The following RNF130 variants were observed in gnomAD, a reference collection of about 807,000 sequenced individuals.
The protein encoded by RNF130 is E3 ubiquitin-protein ligase RNF130.
A neutral mutation model predicts 44.6 loss-of-function variants in RNF130; 21 were observed. The observed-to-expected ratio is 0.47, with a 90% CI of 0.33 to 0.68. The LOEUF is 0.68. Among genes scored for constraint, RNF130 ranks in the 30% least tolerant of loss-of-function variants. RNF130 has a pLI of 0.02. For missense variants in RNF130, 479 were observed against 560.6 expected (o/e 0.85, Z 1.47); for synonymous variants, 214 against 210.4 (o/e 1.02, Z -0.15).
chr5:180,007,994 T>TTG, intron 3 of RNF130, among the ~76,000 whole-genome samples: 1 of 150,672 alleles, frequency 6.6e-6, no homozygotes, highest in Admixed American at 6.6e-5. Context: ...TTTAGTTTTT[T>TTG]TTTTTTTTTT....
rs1764573192 is a variant in RNF130 at position 180,046,608 on chromosome 5, CA to C, written c.248-5962del. ...GTGATGGTCAAAACAGGCGGCCGCA[CA>C]GCACAGTGGCAAAGATGTGCCTCTC... On this transcript the variant is annotated intron_variant, in intron 1 of 8. Transcript: ENST00000521389. Among the ~76,000 whole-genome samples the C allele has an allele frequency of 2.6e-5, 4 of 152,164 alleles. No homozygotes were observed. The South Asian group carries it at 8.3e-4, about 31-fold the overall frequency.
Position 179,944,576 on chromosome 5 carries a change from T to C in RNF130, c.1150+22230A>G, listed in dbSNP as rs199939686. On this transcript the variant is annotated intron_variant, in intron 7 of 7. Transcript: ENST00000522208. The stretch of plus-strand genomic sequence containing the variant: ...CCTTCCGGGTTCAAGCAATTTCTCC[T>C]GCCTCAGCCTCCTTGCAAGCCACCA... 5.9e-5 allele frequency among the ~76,000 whole-genome samples: 9 copies of C among 152,256 alleles called. No homozygotes were observed. In the East Asian group the frequency reaches 1.7e-3, roughly 29 times the overall value.
In RNF130 at chr5:179,970,027, A is replaced by G. The variant is rs181187674; in HGVS notation, c.945+383T>C. On this transcript the variant is annotated intron_variant, in intron 6 of 8. Transcript: ENST00000521389. ...AAAAGTTAGCCAGGCATGGCGGTGT[A>G]TGCCTGTAGTCCCAGCTACTCAGAA... Among the ~76,000 whole-genome samples, 674 of 152,146 alleles carry G rather than the reference A, an allele frequency of 4.4e-3. 4 individuals are homozygous for G. Among genetic ancestry groups the G allele is most frequent in the Non-Finnish European group, 4.8e-3 (323 of 67,976 alleles).
chr5:179,983,209 A>G (rs531108394), intron 3 of RNF130, among the ~76,000 whole-genome samples: 1 of 152,290 alleles, frequency 6.6e-6, no homozygotes, highest in South Asian at 2.1e-4. Flanking sequence ...TATCATATTA[A>G]GGAAGCTTTG....
At position 179,963,279 on chromosome 5, in the gene RNF130, A is replaced by G. The variant is rs376805328; in HGVS notation, c.1244+192T>C. 1.2e-4 allele frequency among the ~76,000 whole-genome samples: 19 copies of G among 152,368 alleles called. No individual in the cohort carries two copies. In the East Asian group the frequency reaches 3.5e-3, roughly 28 times the overall value. ...TCAAACGGGCTGCTCTTGTTGAATA[A>G]GGTGAATTCCCAATCTGTGTTACTG... is the stretch of plus-strand genomic sequence containing the variant. On this transcript the variant is annotated intron_variant, in intron 8 of 8. Transcript: ENST00000521389.
intron 6 of RNF130, 28 bp downstream of exon 6, chr5:179,970,382 G>A (rs774268510): frequency 6.6e-7 from 1 of 1,517,868 alleles, no homozygotes; most frequent in Non-Finnish European, 9.1e-7. Flanking sequence ...ATATACAAAA[G>A]TGGTAACAAA....
intron 6 of RNF130, among the ~76,000 whole-genome samples, chr5:179,969,070 A>G (rs747062004): frequency 2.6e-5 from 4 of 152,220 alleles, no homozygotes; most frequent in Admixed American, 1.3e-4. Context: ...TGCAAGCTAA[A>G]ATGAGTTCAT....
chr5:179,939,391 T>G (rs1761942223), intron 7 of RNF130: 2 of 171,268 alleles, frequency 1.2e-5, no homozygotes, highest in Non-Finnish European at 2.5e-5. Flanking sequence ...AATAGTTGAG[T>G]TCATTTGAAA....
At chr5:179,985,980 T>G (rs1221830935) in intron 3 of RNF130, among the ~76,000 whole-genome samples, 1 of 152,240 alleles carries the variant, frequency 6.6e-6, no homozygotes, top group Admixed American at 6.5e-5. Flanking sequence ...TATCTTGTCA[T>G]TTTTAAAGCC....
At chr5:180,007,990 T>TG (rs1451365927) in intron 3 of RNF130, among the ~76,000 whole-genome samples, 2 of 144,400 alleles carry the variant, frequency 1.4e-5, no homozygotes, top group Non-Finnish European at 3.0e-5. Flanking sequence ...ATCTTTTAGT[T>TG]TTTTTTTTTT....
chr5:180,063,378 T>G (rs963162923), intron 1 of RNF130, among the ~76,000 whole-genome samples: 4 of 152,170 alleles, frequency 2.6e-5, no homozygotes, highest in African/African-American at 7.2e-5. Flanking sequence ...GAAGCAAGGA[T>G]GGTCCTAATT....
chr5:179,984,562 A>T (rs975098905), intron 3 of RNF130, among the ~76,000 whole-genome samples: 1 of 152,170 alleles, frequency 6.6e-6, no homozygotes, highest in Non-Finnish European at 1.5e-5. Flanking sequence ...TTAATTTTTG[A>T]ATGTTAAATG....
chr5:179,959,621 C>T (rs1324436988), intron 8 of RNF130, among the ~76,000 whole-genome samples: 5 of 148,210 alleles, frequency 3.4e-5, no homozygotes, highest in East Asian at 2.0e-4. Context: ...AGCGAGACTC[C>T]GTCTCAAAAA....
At chr5:180,011,104 AC>A (rs1763586412) in intron 3 of RNF130, among the ~76,000 whole-genome samples, 1 of 152,220 alleles carries the variant, frequency 6.6e-6, no homozygotes, top group South Asian at 2.1e-4. Context: ...AACGCATATA[AC>A]CTGAAACTAA....
intron 7 of RNF130, among the ~76,000 whole-genome samples, chr5:179,949,646 A>G (rs905729925): frequency 9.2e-5 from 14 of 152,220 alleles, no homozygotes; most frequent in African/African-American, 3.4e-4. Flanking sequence ...TCAACTTTAT[A>G]CATTGCTTCT....
rs1305959647 is a variant in RNF130, at chr5:179,920,609, C to T, written c.1151-183G>A. On this transcript the variant is annotated intron_variant, in intron 7 of 7. Transcript: ENST00000522208. Reference sequence around the variant, plus strand: ...TCCTTCAATTCACGCAGGCTTTAAGCATCTAAGTTCCAATCTTCGGATCCC... The same window carrying T: ...TCCTTCAATTCACGCAGGCTTTAAGTATCTAAGTTCCAATCTTCGGATCCC... Among the ~76,000 whole-genome samples, 4 of 152,068 alleles carry T rather than the reference C, an allele frequency of 2.6e-5. No homozygotes were observed. The East Asian group carries it at 7.7e-4, about 29-fold the overall frequency.
intron 2 of RNF130, 148 bp from the exon 3 acceptor site, chr5:180,013,459 A>T (rs1020084977): frequency 1.3e-5 from 9 of 699,648 alleles, no homozygotes; most frequent in Admixed American, 3.1e-5. Flanking sequence ...ATGTAGATGC[A>T]GCTGGGTATG....
At chr5:180,046,045 G>T (rs953183986) in intron 1 of RNF130, among the ~76,000 whole-genome samples, 3 of 152,162 alleles carry the variant, frequency 2.0e-5, no homozygotes, top group Non-Finnish European at 4.4e-5. Context: ...TGGACGGAGG[G>T]GGGTGGGGCT....
intron 5 of RNF130, among the ~76,000 whole-genome samples, chr5:179,975,400 C>T (rs1344566618): frequency 6.6e-6 from 1 of 152,206 alleles, no homozygotes; most frequent in Non-Finnish European, 1.5e-5. Context: ...GCCAAGGACA[C>T]TGCCAGGCCC....
Sources: allele counts gnomAD v4.1 joint callset (sites outside exome capture counted in the v4.1 genomes callset), GRCh38; gene constraint gnomAD v4.1.1; transcripts MANE v1.5; gene names NCBI Gene and HGNC (gene_info 2026-07-23, HGNC 2026-07-21).